Variants in EYA1 observed in about 807,000 individuals in gnomAD.
EYA1 encodes EYA transcriptional coactivator and phosphatase 1.
In EYA1, 16 loss-of-function variants were observed where a neutral mutation model predicts 82.0. The observed-to-expected ratio is 0.20, with a 90% confidence interval of 0.13 to 0.30. The LOEUF is 0.30. Among genes scored for constraint, EYA1 ranks in the 10% least tolerant of loss-of-function variants. The pLI is 1.00. For synonymous variants in EYA1, 261 were observed against 264.4 expected (o/e 0.99, Z 0.12); for missense variants, 633 against 730.7 (o/e 0.87, Z 1.54).
intron 2 of EYA1, among the ~76,000 whole-genome samples, chr8:71,467,371 A>G (rs1033458272): frequency 1.3e-5 from 2 of 152,138 alleles, no homozygotes; most frequent in African/African-American, 4.8e-5. Flanking sequence ...AGAGTATTAA[A>G]TGTCTTATAA....
chr8:71,225,292 G>C (rs1293228156), intron 12 of EYA1: 3 of 456,098 alleles, frequency 6.6e-6, no homozygotes, highest in Non-Finnish European at 1.3e-5. Context: ...GGACTCTCTG[G>C]AAGCCCTTGA....
chr8:71,414,592 G>C (rs1158783913), intron 2 of EYA1, among the ~76,000 whole-genome samples: 1 of 152,196 alleles, frequency 6.6e-6, no homozygotes, highest in Non-Finnish European at 1.5e-5. Flanking sequence ...TTCTCTGAGA[G>C]ATGAAAGTGG....
chr8:71,209,286 G>A (rs1424088661), intron 17 of EYA1, among the ~76,000 whole-genome samples: 1 of 152,178 alleles, frequency 6.6e-6, no homozygotes, highest in Admixed American at 6.5e-5. Context: ...GGCTGGGAAA[G>A]GTTTTATTTT....
At chr8:71,406,607 G>A (rs1830246531) in intron 2 of EYA1, among the ~76,000 whole-genome samples, 1 of 152,180 alleles carries the variant, frequency 6.6e-6, no homozygotes, top group Non-Finnish European at 1.5e-5. Flanking sequence ...CAAAGAAAGG[G>A]GTGACGGATG....
chr8:71,546,832 C>A (rs549187151), intron 1 of EYA1, among the ~76,000 whole-genome samples: 20 of 152,244 alleles, frequency 1.3e-4, no homozygotes, highest in African/African-American at 4.3e-4. Context: ...AATCAATTCA[C>A]GCTTCATGAC....
chr8:71,489,503 G>C (rs1810831253), intron 2 of EYA1, among the ~76,000 whole-genome samples: 1 of 152,134 alleles, frequency 6.6e-6, no homozygotes, highest in Non-Finnish European at 1.5e-5. Flanking sequence ...ATACCATTCT[G>C]CTCACTAACC....
intron 2 of EYA1, among the ~76,000 whole-genome samples, chr8:71,428,050 A>G (rs1048529417): frequency 4.6e-4 from 70 of 151,936 alleles, no homozygotes; most frequent in African/African-American, 1.6e-3. Context: ...AACGAGGCAT[A>G]TGGGTGAGTC....
intron 2 of EYA1, among the ~76,000 whole-genome samples, chr8:71,395,252 C>T (rs1328609119): frequency 2.0e-5 from 3 of 152,226 alleles, no homozygotes; most frequent in Non-Finnish European, 4.4e-5. Context: ...GACAATTTGA[C>T]TTCCTCTTTT....
intron 7 of EYA1, among the ~76,000 whole-genome samples, chr8:71,312,632 T>G (rs572109333): frequency 6.6e-6 from 1 of 152,202 alleles, no homozygotes; most frequent in East Asian, 1.9e-4. Context: ...GAGACGGGGT[T>G]TTGCCATGTT....
chr8:71,413,722 T>A (rs1308434688), intron 2 of EYA1, among the ~76,000 whole-genome samples: 1 of 152,230 alleles, frequency 6.6e-6, no homozygotes. Context: ...TTTGCTTTGT[T>A]TTCGCTTGAC....
intron 2 of EYA1, among the ~76,000 whole-genome samples, chr8:71,452,915 T>C (rs755416750): frequency 2.0e-5 from 3 of 152,174 alleles, no homozygotes; most frequent in Non-Finnish European, 4.4e-5. Context: ...CAAAGCTGGA[T>C]GGAGAATGAC....
intron 2 of EYA1, among the ~76,000 whole-genome samples, chr8:71,452,644 T>A (rs1260081690): frequency 6.6e-6 from 1 of 152,178 alleles, no homozygotes; most frequent in African/African-American, 2.4e-5. Context: ...CCGCTGCTGA[T>A]ACCCAGGCAA....
chr8:71,353,592 T>C (rs1467342093), intron 3 of EYA1, among the ~76,000 whole-genome samples: 1 of 152,238 alleles, frequency 6.6e-6, no homozygotes, highest in Non-Finnish European at 1.5e-5. Flanking sequence ...AGAATCACTG[T>C]TGGAATAAAA....
At chr8:71,489,189 G>A (rs1266281773) in intron 2 of EYA1, among the ~76,000 whole-genome samples, 2 of 152,112 alleles carry the variant, frequency 1.3e-5, no homozygotes, top group African/African-American at 2.4e-5. Flanking sequence ...ACATCGATTG[G>A]TTTGTGACTC....
At chr8:71,434,805 T>C (rs562148036) in intron 2 of EYA1, among the ~76,000 whole-genome samples, 2 of 152,254 alleles carry the variant, frequency 1.3e-5, no homozygotes, top group South Asian at 2.1e-4. Context: ...TTAGAAAAAG[T>C]GTGTGTTCAA....
At chr8:71,450,849 TAAATGCATGGGCTA>T (rs1388452706) in intron 2 of EYA1, among the ~76,000 whole-genome samples, 1 of 152,192 alleles carries the variant, frequency 6.6e-6, no homozygotes, top group Non-Finnish European at 1.5e-5. Flanking sequence ...ATTATAACCA[TAAATGCATGGGCTA>T]AAATGGAATT....
At chr8:71,208,898 G>T (rs1262555258) in intron 17 of EYA1, among the ~76,000 whole-genome samples, 2 of 152,140 alleles carry the variant, frequency 1.3e-5, no homozygotes, top group African/African-American at 2.4e-5. Flanking sequence ...TTTAGGAAGG[G>T]ACTCACTCAC....
intron 2 of EYA1, among the ~76,000 whole-genome samples, chr8:71,389,451 G>A (rs903939542): frequency 1.3e-5 from 2 of 152,090 alleles, no homozygotes; most frequent in Non-Finnish European, 2.9e-5. Flanking sequence ...CTCATGAAAT[G>A]TTTTAAATGT....
intron 2 of EYA1, among the ~76,000 whole-genome samples, chr8:71,524,733 T>C (rs1025671016): frequency 5.9e-5 from 9 of 152,188 alleles, no homozygotes; most frequent in African/African-American, 2.2e-4. Context: ...GGCGAGTGAA[T>C]GTCACCCATT....
Sources: allele counts gnomAD v4.1 joint callset (sites outside exome capture counted in the v4.1 genomes callset), GRCh38; gene constraint gnomAD v4.1.1; transcripts MANE v1.5; gene names NCBI Gene and HGNC (gene_info 2026-07-23, HGNC 2026-07-21).